Variants in CSMD1 observed in about 807,000 individuals in gnomAD.
CSMD1 encodes CUB and sushi domain-containing protein 1.
In CSMD1, 213 loss-of-function variants were observed where a neutral mutation model predicts 417.5. The observed-to-expected ratio is 0.51, with a 90% CI of 0.46 to 0.57. The LOEUF (loss-of-function observed/expected upper bound fraction) is 0.57, where lower values mean the gene tolerates loss of function less well. Among genes scored for constraint, CSMD1 ranks in the 20% least tolerant of loss-of-function variants. CSMD1 has a pLI of 0.00. For missense variants in CSMD1, 6,923 were observed against 4,529.7 expected (o/e 1.53, Z -15.17); for synonymous variants, 2,862 against 1,736.8 (o/e 1.65, Z -16.11).
intron 6 of CSMD1, among the ~76,000 whole-genome samples, chr8:3,715,804 A>G (rs978070941): frequency 2.0e-5 from 3 of 152,120 alleles, no homozygotes; most frequent in Non-Finnish European, 2.9e-5. Flanking sequence ...TGGCCTCCCA[A>G]AGTGCTGGGA....
chr8:3,842,739 G>T (rs369720477), intron 5 of CSMD1, among the ~76,000 whole-genome samples: 6 of 151,722 alleles, frequency 4.0e-5, no homozygotes, highest in African/African-American at 1.4e-4. Flanking sequence ...ATTAAAATTG[G>T]GAAACAGAAA....
At chr8:3,740,587 G>A (rs73496806) in intron 6 of CSMD1, among the ~76,000 whole-genome samples, 1,635 of 152,276 alleles carry the variant, frequency 0.011, 32 homozygotes, top group African/African-American at 0.037. Flanking sequence ...ACACAGGAAG[G>A]AGGACGAGCA....
chr8:4,281,062 C>G (rs1796754224), intron 3 of CSMD1, among the ~76,000 whole-genome samples: 1 of 152,166 alleles, frequency 6.6e-6, no homozygotes, highest in Non-Finnish European at 1.5e-5. Context: ...CATGTGTTCA[C>G]CTTCCAAGGC....
intron 3 of CSMD1, among the ~76,000 whole-genome samples, chr8:4,057,930 C>A (rs6558836): frequency 0.94 from 141,632 of 151,020 alleles, 66,486 homozygotes; most frequent in East Asian, 0.99. Context: ...TGTTTTGGTT[C>A]CTGTAGCCTT....
chr8:4,168,922 C>G (rs1242618957), intron 3 of CSMD1, among the ~76,000 whole-genome samples: 1 of 152,184 alleles, frequency 6.6e-6, no homozygotes, highest in Non-Finnish European at 1.5e-5. Context: ...AGGCCTTGCT[C>G]TGTTTAACCT....
intron 21 of CSMD1, among the ~76,000 whole-genome samples, chr8:3,349,277 T>C (rs753726772): frequency 7.9e-4 from 121 of 152,278 alleles, no homozygotes; most frequent in African/African-American, 2.9e-3. Flanking sequence ...ATACTGATTC[T>C]TTCACACCCT....
intron 23 of CSMD1, among the ~76,000 whole-genome samples, chr8:3,328,623 G>A (rs1049257050): frequency 6.6e-6 from 1 of 152,116 alleles, no homozygotes; most frequent in Non-Finnish European, 1.5e-5. Flanking sequence ...GTGTCTGAGG[G>A]TTCAGAAAAT....
At chr8:4,719,696 T>C (rs1014013094) in intron 1 of CSMD1, among the ~76,000 whole-genome samples, 1 of 152,232 alleles carries the variant, frequency 6.6e-6, no homozygotes, top group Non-Finnish European at 1.5e-5. Flanking sequence ...ATTTGATTTA[T>C]GTATTTCAGT....
At chr8:4,238,683 G>C (rs919633233) in intron 3 of CSMD1, among the ~76,000 whole-genome samples, 2 of 152,070 alleles carry the variant, frequency 1.3e-5, no homozygotes, top group East Asian at 3.9e-4. Flanking sequence ...ACTATCCTTG[G>C]CCCTCAATAC....
At chr8:4,966,219 A>C (rs1809847596) in intron 1 of CSMD1, among the ~76,000 whole-genome samples, 1 of 151,132 alleles carries the variant, frequency 6.6e-6, no homozygotes, top group Non-Finnish European at 1.5e-5. Flanking sequence ...CAAAAAAAAA[A>C]AAAAAAAAAA....
intron 50 of CSMD1, among the ~76,000 whole-genome samples, chr8:3,047,862 C>T (rs1811561888): frequency 6.6e-6 from 1 of 152,162 alleles, no homozygotes; most frequent in African/African-American, 2.4e-5. Flanking sequence ...GTGGCCTTTA[C>T]ACAGAAATAT....
chr8:3,819,586 G>C (rs191737312), intron 5 of CSMD1, among the ~76,000 whole-genome samples: 6 of 150,700 alleles, frequency 4.0e-5, no homozygotes, highest in Non-Finnish European at 1.5e-5. Flanking sequence ...GCCAACATGC[G>C]TAACATATAT....
At chr8:4,800,749 G>T (rs932099305) in intron 1 of CSMD1, among the ~76,000 whole-genome samples, 1 of 152,168 alleles carries the variant, frequency 6.6e-6, no homozygotes, top group Admixed American at 6.5e-5. Context: ...TGGCCACTTT[G>T]GTGGGATGGG....
chr8:3,982,194 A>AATT (rs1490575315), intron 5 of CSMD1, among the ~76,000 whole-genome samples: 1 of 131,056 alleles, frequency 7.6e-6, no homozygotes, highest in East Asian at 2.3e-4. Flanking sequence ...TAATAATATT[A>AATT]ATAAAAAAAA....
At chr8:4,804,613 CAG>C (rs1296119990) in intron 1 of CSMD1, among the ~76,000 whole-genome samples, 4 of 151,976 alleles carry the variant, frequency 2.6e-5, no homozygotes, top group South Asian at 2.1e-4. Context: ...CGAAGGAAGA[CAG>C]GGGATATAAA....
rs750672843 is a variant in CSMD1 at position 3,369,366 on chromosome 8, T to A, written c.2787A>T (p.Leu929=). ...WNHALPSCDA[L]CGGYIQGKSG... is the part of the protein sequence containing the mutation. Reference sequence around the variant, plus strand: ...TCTTCCCTTGGATGTAGCCTCCACATAGAGCTTAAAATAATAAAGAGAGAT... The same window carrying A: ...TCTTCCCTTGGATGTAGCCTCCACAAAGAGCTTAAAATAATAAAGAGAGAT... The change falls in exon 19 of 70, where the codon CTA becomes CTT. Residue 929 remains leucine (L), a synonymous_variant. Coordinates refer to ENST00000635120, the MANE Select transcript of CSMD1 (RefSeq NM_033225.6). The A allele has an allele frequency of 6.0e-6, 9 of 1,498,162 alleles. No individual in the cohort carries two copies. The highest frequency in any genetic ancestry group is 8.4e-6 in the Non-Finnish European group (9 of 1,076,892). The allele number at this position is 1,498,162 out of a possible 1,614,324, so 92.8% of individuals were successfully genotyped here.
At chr8:3,916,657 G>C (rs560733433) in intron 5 of CSMD1, among the ~76,000 whole-genome samples, 71 of 152,236 alleles carry the variant, frequency 4.7e-4, no homozygotes, top group Admixed American at 3.5e-3. Flanking sequence ...AGGCAACCCG[G>C]ATGTATTCAT....
chr8:4,235,616 G>C (rs938290283), intron 3 of CSMD1, among the ~76,000 whole-genome samples: 2 of 152,060 alleles, frequency 1.3e-5, no homozygotes, highest in Non-Finnish European at 2.9e-5. Flanking sequence ...CATGACACTG[G>C]CCTGCTCAAC....
At chr8:4,884,118 T>C (rs964709261) in intron 1 of CSMD1, among the ~76,000 whole-genome samples, 1 of 152,214 alleles carries the variant, frequency 6.6e-6, no homozygotes, top group Middle Eastern at 3.4e-3. Context: ...GTGATCTGTC[T>C]ACTTTACTGG....
Sources: gnomAD v4.1 joint callset for allele counts (sites outside exome capture counted in the v4.1 genomes callset) on GRCh38, gnomAD v4.1.1 for gene constraint, MANE v1.5 for transcripts, NCBI Gene and HGNC (gene_info 2026-07-23, HGNC 2026-07-21) for gene names.